Variants in KLF8 observed in about 807,000 individuals in gnomAD.
The protein encoded by KLF8 is KLF transcription factor 8.
Under a neutral mutation model 18.2 loss-of-function variants are expected in KLF8, and 10 were observed. That is an observed-to-expected ratio of 0.55 (90% CI 0.34 to 0.93). The LOEUF (loss-of-function observed/expected upper bound fraction) is 0.93, where lower values mean the gene tolerates loss of function less well. Among genes scored for constraint, KLF8 ranks in the 40% least tolerant of loss-of-function variants. KLF8 has a pLI of 0.02. For missense variants in KLF8, 264 were observed against 277.9 expected, an observed-to-expected ratio of 0.95 and a Z score of 0.36; for synonymous variants, 109 against 97.3, an observed-to-expected ratio of 1.12 and a Z score of -0.71.
the KLF8 span, among the ~76,000 whole-genome samples, chrX:56,005,556 A>C: frequency 8.9e-5 from 10 of 112,143 alleles, no homozygotes; most frequent in Non-Finnish European, 1.7e-4. Flanking sequence ...TTCAGCCTTC[A>C]TGCACATGTT....
chrX:56,003,922 C>T, the KLF8 span, among the ~76,000 whole-genome samples: 11 of 112,569 alleles, frequency 9.8e-5, no homozygotes, highest in Admixed American at 1.0e-3. Flanking sequence ...TATTCACCAA[C>T]TTTGTACAAT....
At chrX:56,223,091 G>A in the KLF8 span, among the ~76,000 whole-genome samples, 4 of 113,178 alleles carry the variant, frequency 3.5e-5, no homozygotes, top group Non-Finnish European at 7.5e-5. Flanking sequence ...GGGCTGCGAG[G>A]GCTGCCAGCA....
chrX:56,022,154 C>T, the KLF8 span, among the ~76,000 whole-genome samples: 1 of 110,832 alleles, frequency 9.0e-6, no homozygotes, highest in Admixed American at 9.6e-5. Flanking sequence ...TCTATAAAAA[C>T]CAATGAGAAC....
chrX:56,274,560 G>T (rs1261996839), intron 5 of KLF8, among the ~76,000 whole-genome samples: 1 of 111,862 alleles, frequency 8.9e-6, no homozygotes, highest in Non-Finnish European at 1.9e-5. Context: ...GCCTATGCTT[G>T]TGGGGTATTG....
At chrX:56,006,443 A>C in the KLF8 span, among the ~76,000 whole-genome samples, 1 of 111,664 alleles carries the variant, frequency 9.0e-6, no homozygotes, top group Non-Finnish European at 1.9e-5. Flanking sequence ...TCCATTCTCA[A>C]GGCTTCACTC....
At chrX:56,128,212 G>A in the KLF8 span, among the ~76,000 whole-genome samples, 3 of 112,193 alleles carry the variant, frequency 2.7e-5, no homozygotes, top group Admixed American at 1.9e-4. Context: ...AATAGGAAGA[G>A]CATGTGAAAC....
chrX:55,936,288 T>C, the KLF8 span, among the ~76,000 whole-genome samples: 5 of 112,302 alleles, frequency 4.5e-5, no homozygotes, highest in Admixed American at 4.7e-4. Context: ...CATATATTGA[T>C]TGTGAACATA....
chrX:56,187,351 T>C, the KLF8 span, among the ~76,000 whole-genome samples: 8 of 111,562 alleles, frequency 7.2e-5, no homozygotes, highest in Admixed American at 3.8e-4. Flanking sequence ...CATAGACCAA[T>C]AACAGGCTCT....
the KLF8 span, among the ~76,000 whole-genome samples, chrX:55,994,981 C>T: frequency 2.7e-5 from 3 of 111,566 alleles, no homozygotes; most frequent in Non-Finnish European, 5.6e-5. Context: ...AGCTTTCTAG[C>T]TCAACAATCT....
the KLF8 span, among the ~76,000 whole-genome samples, chrX:56,129,179 T>C: frequency 8.9e-6 from 1 of 111,988 alleles, no homozygotes; most frequent in African/African-American, 3.2e-5. Flanking sequence ...AGGACTAAAT[T>C]GCACCTCCCA....
the KLF8 span, among the ~76,000 whole-genome samples, chrX:56,037,036 A>G: frequency 9.3e-6 from 1 of 107,565 alleles, no homozygotes; most frequent in Non-Finnish European, 1.9e-5. Context: ...TGATTTATCA[A>G]TTCAAATGAT....
the KLF8 span, among the ~76,000 whole-genome samples, chrX:56,177,804 T>C: frequency 9.0e-6 from 1 of 111,243 alleles, no homozygotes. Context: ...AGAAATGGGG[T>C]CACCCCTCCC....
At chrX:56,163,305 T>C in the KLF8 span, among the ~76,000 whole-genome samples, 3 of 112,200 alleles carry the variant, frequency 2.7e-5, no homozygotes, top group Non-Finnish European at 5.6e-5. Context: ...TGTGACATGG[T>C]ATCTAACTGT....
the KLF8 span, among the ~76,000 whole-genome samples, chrX:56,179,031 G>T: frequency 5.4e-5 from 6 of 111,984 alleles, no homozygotes; most frequent in South Asian, 2.3e-3. Context: ...AAAGTCCTTG[G>T]TAGCTTGATG....
the KLF8 span, among the ~76,000 whole-genome samples, chrX:56,106,381 A>G: frequency 8.9e-6 from 1 of 111,959 alleles, no homozygotes; most frequent in Non-Finnish European, 1.9e-5. Context: ...GTCTTTTCAC[A>G]TAGTCCCATA....
At chrX:55,908,283 A>G in the KLF8 span, 1 of 270,257 alleles carries the variant, frequency 3.7e-6, no homozygotes, top group East Asian at 5.3e-5. Context: ...TAAATCCAGC[A>G]GAAAGGTCCG....
the KLF8 span, among the ~76,000 whole-genome samples, chrX:56,044,747 C>T: frequency 8.9e-6 from 1 of 112,122 alleles, no homozygotes; most frequent in East Asian, 2.8e-4. Flanking sequence ...TAGACTCCAA[C>T]CCATTGCCAT....
chrX:56,239,245 G>C (rs1016047208), intron 1 of KLF8, among the ~76,000 whole-genome samples: 2 of 111,876 alleles, frequency 1.8e-5, no homozygotes, highest in Non-Finnish European at 3.8e-5. Context: ...CCAGGGCCCA[G>C]TAAAATGAGA....
At chrX:55,968,569 A>G in the KLF8 span, among the ~76,000 whole-genome samples, 1 of 111,821 alleles carries the variant, frequency 8.9e-6, no homozygotes, top group Non-Finnish European at 1.9e-5. Context: ...ATGTCATGGG[A>G]GGGACCCAGT....
Sources: gnomAD v4.1 joint callset for allele counts (sites outside exome capture counted in the v4.1 genomes callset) on GRCh38, gnomAD v4.1.1 for gene constraint, MANE v1.5 for transcripts, NCBI Gene and HGNC (gene_info 2026-07-23, HGNC 2026-07-21) for gene names.